Variants in TCF20 observed in about 807,000 individuals in gnomAD.
TCF20 encodes the protein SPRE-binding protein.
A neutral mutation model predicts 148.6 loss-of-function variants in TCF20; 3 were observed. The ratio of observed to expected loss-of-function variants is 0.02; its 90% CI spans 0.01 to 0.05. TCF20 has a LOEUF of 0.05. Among genes scored for constraint, TCF20 ranks in the 10% least tolerant of loss-of-function variants. TCF20 has a pLI of 1.00. For missense variants in TCF20, 2,350 were observed against 2,429.3 expected (o/e 0.97, Z 0.69); for synonymous variants, 1,049 against 909.5 (o/e 1.15, Z -2.76).
chr22:42,225,197 T>C (rs927869631), intron 1 of TCF20, among the ~76,000 whole-genome samples: 2 of 152,050 alleles, frequency 1.3e-5, no homozygotes, highest in Non-Finnish European at 2.9e-5. Flanking sequence ...CATTTCGCCA[T>C]GTTGGCCAGG....
Position 42,161,357 on chromosome 22 carries a change from A to C in TCF20, c.*46T>G. ...ACCACCTTCTCATCTCCACAGTCTC[A>C]CCTGGAAGACAAGGGACACACAGTG... On this transcript the variant is annotated splice_region_variant and 3_prime_UTR_variant, in exon 6 of 6. Transcript: ENST00000677622. 1.2e-6 allele frequency: 2 copies of C among 1,613,982 alleles called. No homozygotes were observed. Among genetic ancestry groups the C allele is most frequent in the Non-Finnish European group, 1.7e-6 (2 of 1,179,946 alleles).
chr22:42,324,505 C>T (rs913793778), intron 1 of TCF20, among the ~76,000 whole-genome samples: 3 of 151,896 alleles, frequency 2.0e-5, no homozygotes, highest in Non-Finnish European at 2.9e-5. Context: ...AAATAATCTC[C>T]ACCATCCGAT....
upstream of TCF20, among the ~76,000 whole-genome samples, chr22:42,273,481 A>C (rs1418906732): frequency 2.6e-5 from 4 of 151,944 alleles, no homozygotes; most frequent in Middle Eastern, 3.4e-3. Flanking sequence ...AAACAGGTTA[A>C]GTTGCTGCCC....
At chr22:42,222,541 T>G (rs1260627468) in intron 1 of TCF20, among the ~76,000 whole-genome samples, 1 of 152,012 alleles carries the variant, frequency 6.6e-6, no homozygotes, top group African/African-American at 2.4e-5. Flanking sequence ...AATTTCTGCT[T>G]CTCCCCACCC....
At chr22:42,208,165 G>A (rs772529243) in intron 2 of TCF20, among the ~76,000 whole-genome samples, 20 of 152,040 alleles carry the variant, frequency 1.3e-4, no homozygotes, top group Non-Finnish European at 1.8e-4. Flanking sequence ...GTAAGGGCAT[G>A]AAACTGAAAC....
At chr22:42,166,346 G>A (rs1164136340) in intron 5 of TCF20, among the ~76,000 whole-genome samples, 1 of 152,190 alleles carries the variant, frequency 6.6e-6, no homozygotes, top group Non-Finnish European at 1.5e-5. Flanking sequence ...CGTGGCTCAC[G>A]CCTGTAATCC....
intron 1 of TCF20, among the ~76,000 whole-genome samples, chr22:42,251,276 T>C (rs1427495806): frequency 2.0e-5 from 3 of 152,098 alleles, no homozygotes; most frequent in Non-Finnish European, 4.4e-5. Context: ...AACCTCTGCC[T>C]CCCAGACCCA....
intron 1 of TCF20, among the ~76,000 whole-genome samples, chr22:42,335,030 G>A (rs1400374727): frequency 6.6e-6 from 1 of 152,114 alleles, no homozygotes; most frequent in Non-Finnish European, 1.5e-5. Context: ...TGGGCCCGGA[G>A]CCCAGCCTGA....
At chr22:42,182,633 A>T (rs1936836165) in intron 2 of TCF20, among the ~76,000 whole-genome samples, 1 of 152,252 alleles carries the variant, frequency 6.6e-6, no homozygotes, top group Admixed American at 6.5e-5. Context: ...TTAGGGACTT[A>T]GAGAAAGATC....
intron 1 of TCF20, among the ~76,000 whole-genome samples, chr22:42,231,435 CTG>C (rs1306878304): frequency 6.6e-6 from 1 of 152,038 alleles, no homozygotes; most frequent in African/African-American, 2.4e-5. Context: ...GGAGCTATGA[CTG>C]TGCCACTGCA....
intron 1 of TCF20, among the ~76,000 whole-genome samples, chr22:42,242,224 A>AAAAAAAAAAAAAAAAAAAAAAAAAAAAAC (rs1555942548): frequency 6.8e-6 from 1 of 147,696 alleles, no homozygotes; most frequent in African/African-American, 2.6e-5. Flanking sequence ...AAAAAAAAAA[A>AAAAAAAAAAAAAAAAAAAAAAAAAAAAAC]AAACAGAAAA....
At position 42,209,688 on chromosome 22, in the gene TCF20, T is replaced by C. The variant is rs781307727; in HGVS notation, c.5618A>G (p.Tyr1873Cys). The change falls in exon 2 of 6, where the codon TAT (tyrosine) becomes TGT (cysteine). Residue 1873 changes from tyrosine to cysteine, a missense_variant. Transcript: ENST00000677622. The part of the protein sequence containing the change: ...NGIYLVCGRL[Y>C]GLQEALEIAR... ...TATTTCCAGCGCTTCCTGCAGGCCA[T>C]AGAGCCTGCCACAAACCAGGTAGAT... The C allele has an allele frequency of 3.1e-6, 5 of 1,614,048 alleles. No homozygotes were observed. The highest frequency in any genetic ancestry group is 3.3e-5 in the Admixed American group (2 of 60,006).
intron 1 of TCF20, among the ~76,000 whole-genome samples, chr22:42,303,990 T>A (rs8140842): frequency 6.6e-6 from 1 of 151,714 alleles, no homozygotes; most frequent in Non-Finnish European, 1.5e-5. Flanking sequence ...TGGCAGACCA[T>A]ACTCCAGTCT....
chr22:42,246,387 G>C (rs1924908388), intron 1 of TCF20, among the ~76,000 whole-genome samples: 1 of 152,164 alleles, frequency 6.6e-6, no homozygotes, highest in African/African-American at 2.4e-5. Flanking sequence ...TGGGATACAG[G>C]CATGAGTCAC....
At chr22:42,202,211 G>A (rs1016205773) in intron 2 of TCF20, among the ~76,000 whole-genome samples, 2 of 152,172 alleles carry the variant, frequency 1.3e-5, no homozygotes, top group African/African-American at 2.4e-5. Flanking sequence ...TTGCTAACAG[G>A]AACACATCTT....
upstream of TCF20, chr22:42,274,665 G>C (rs1204682557): frequency 6.6e-6 from 1 of 152,278 alleles, no homozygotes; most frequent in African/African-American, 2.4e-5. Context: ...GGGTCCCACA[G>C]AAACTTCTGC....
intron 1 of TCF20, among the ~76,000 whole-genome samples, chr22:42,302,218 G>A (rs771541835): frequency 2.0e-5 from 3 of 152,198 alleles, no homozygotes; most frequent in Non-Finnish European, 4.4e-5. Context: ...TGGGGAAACT[G>A]AGACCGGGGC....
At chr22:42,250,817 G>A (rs1255894810) in intron 1 of TCF20, among the ~76,000 whole-genome samples, 2 of 152,178 alleles carry the variant, frequency 1.3e-5, no homozygotes, top group African/African-American at 2.4e-5. Context: ...CTGTACAGGA[G>A]GCATAGTGGC....
intron 1 of TCF20, among the ~76,000 whole-genome samples, chr22:42,325,802 C>T (rs1198468599): frequency 1.3e-5 from 2 of 152,202 alleles, no homozygotes; most frequent in African/African-American, 2.4e-5. Flanking sequence ...CCCAATTCTG[C>T]AGCCGACTTG....
Sources: allele counts gnomAD v4.1 joint callset (sites outside exome capture counted in the v4.1 genomes callset), GRCh38; gene constraint gnomAD v4.1.1; transcripts MANE v1.5; gene names NCBI Gene and HGNC (gene_info 2026-07-23, HGNC 2026-07-21).